The following SNCAIP variants were observed in gnomAD, a reference collection of about 807,000 sequenced individuals.
The protein encoded by SNCAIP is synphilin-1.
A neutral mutation model predicts 86.7 loss-of-function variants in SNCAIP; 43 were observed. The ratio of observed to expected loss-of-function variants is 0.50; its 90% CI spans 0.39 to 0.64. The LOEUF (loss-of-function observed/expected upper bound fraction) is 0.64, where lower values mean the gene tolerates loss of function less well. Among genes scored for constraint, SNCAIP ranks in the 30% least tolerant of loss-of-function variants. The pLI is 0.00. For missense variants in SNCAIP, 981 were observed against 1,103.1 expected (o/e 0.89, Z 1.57); for synonymous variants, 417 against 427.2 (o/e 0.98, Z 0.29).
chr5:122,458,579 T>C (rs554860674), intron 10 of SNCAIP, among the ~76,000 whole-genome samples: 4 of 152,332 alleles, frequency 2.6e-5, no homozygotes, highest in Non-Finnish European at 5.9e-5. Flanking sequence ...ACACAGCCAC[T>C]TTCCAGTGCC....
intron 1 of SNCAIP, among the ~76,000 whole-genome samples, chr5:122,328,666 T>C (rs1455849475): frequency 4.6e-5 from 7 of 152,252 alleles, no homozygotes; most frequent in African/African-American, 1.7e-4. Context: ...CAGTTCTTGC[T>C]CCGTTAACAC....
intron 8 of SNCAIP, among the ~76,000 whole-genome samples, chr5:122,448,333 A>G (rs1427817731): frequency 6.6e-6 from 1 of 151,880 alleles, no homozygotes; most frequent in Non-Finnish European, 1.5e-5. Context: ...CATCAAATTT[A>G]TCTTACAGTT....
intron 10 of SNCAIP, among the ~76,000 whole-genome samples, chr5:122,453,239 AC>A (rs1784076505): frequency 6.6e-6 from 1 of 152,144 alleles, no homozygotes; most frequent in Non-Finnish European, 1.5e-5. Context: ...CAGTTCACAA[AC>A]TTTTGCTGTA....
At chr5:122,411,021 A>C (rs1366447219) in intron 3 of SNCAIP, among the ~76,000 whole-genome samples, 1 of 152,202 alleles carries the variant, frequency 6.6e-6, no homozygotes, top group Non-Finnish European at 1.5e-5. Flanking sequence ...ATTTGAGGGA[A>C]AGAAAACTTA....
intron 1 of SNCAIP, among the ~76,000 whole-genome samples, chr5:122,324,081 G>A (rs1271043466): frequency 6.6e-6 from 1 of 152,072 alleles, no homozygotes; most frequent in Non-Finnish European, 1.5e-5. Context: ...CTCAAAAACA[G>A]GACTAAGAAA....
At chr5:122,443,615 C>T (rs1358328708) in intron 7 of SNCAIP, 4 of 456,932 alleles carry the variant, frequency 8.8e-6, no homozygotes, top group East Asian at 1.4e-4. Flanking sequence ...GTGAGACATG[C>T]CTTTTTACAC....
intron 3 of SNCAIP, among the ~76,000 whole-genome samples, chr5:122,416,474 C>T (rs1775330990): frequency 6.6e-6 from 1 of 152,212 alleles, no homozygotes; most frequent in Non-Finnish European, 1.5e-5. Context: ...AAGGGAGCAT[C>T]CCAGAAACAC....
chr5:122,316,412 G>T (rs149634942), intron 1 of SNCAIP, among the ~76,000 whole-genome samples: 22 of 152,286 alleles, frequency 1.4e-4, no homozygotes, highest in African/African-American at 5.3e-4. Context: ...AAAGTGGGTG[G>T]GTTCACCCTT....
intron 1 of SNCAIP, among the ~76,000 whole-genome samples, chr5:122,354,549 A>G (rs889484754): frequency 1.3e-5 from 2 of 152,180 alleles, no homozygotes; most frequent in African/African-American, 4.8e-5. Context: ...CTGGCCTGGG[A>G]TGTTTATGCA....
At chr5:122,448,574 T>C (rs1782832585) in intron 8 of SNCAIP, among the ~76,000 whole-genome samples, 1 of 129,190 alleles carries the variant, frequency 7.7e-6, no homozygotes, top group Admixed American at 7.9e-5. Flanking sequence ...TATATATCCT[T>C]CCATATTTTA....
intron 1 of SNCAIP, among the ~76,000 whole-genome samples, chr5:122,381,942 T>C (rs1365678939): frequency 1.3e-5 from 2 of 152,168 alleles, no homozygotes; most frequent in Admixed American, 1.3e-4. Flanking sequence ...CCTTTGTAGG[T>C]AAACTGACCT....
chr5:122,358,768 G>A (rs897305551), intron 1 of SNCAIP, among the ~76,000 whole-genome samples: 8 of 152,006 alleles, frequency 5.3e-5, no homozygotes, highest in African/African-American at 1.5e-4. Context: ...ATATCATACC[G>A]GATTGGCAAG....
At chr5:122,432,515 A>T (rs1267935076) in intron 6 of SNCAIP, among the ~76,000 whole-genome samples, 2 of 152,124 alleles carry the variant, frequency 1.3e-5, no homozygotes, top group Non-Finnish European at 2.9e-5. Context: ...CTATTTTTTT[A>T]ATTTTTCAGT....
At chr5:122,430,615 A>G (rs1205179864) in intron 5 of SNCAIP, among the ~76,000 whole-genome samples, 1 of 152,198 alleles carries the variant, frequency 6.6e-6, no homozygotes, top group Non-Finnish European at 1.5e-5. Context: ...CTGGGTTTAT[A>G]TATCATACTG....
Position 122,315,870 on chromosome 5 carries a change from C to A in SNCAIP, c.-47+3586C>A, listed in dbSNP as rs138579864. The stretch of plus-strand genomic sequence containing the variant: ...GGAGGCAGGAAAATTGGAAAGGGGT[C>A]GATCTGGGAGATCCCATATTTAGGA... On this transcript the variant is annotated intron_variant, in intron 1 of 10. Coordinates refer to ENST00000261368, the MANE Select transcript of SNCAIP (RefSeq NM_005460.4). Among the ~76,000 whole-genome samples the A allele has an allele frequency of 4.1e-3, 622 of 152,030 alleles. 3 individuals carry two copies. The highest frequency in any genetic ancestry group is 0.013 in the African/African-American group (538 of 41,454).
In SNCAIP at chr5:122,416,252, G is replaced by A. The variant is rs115667482; in HGVS notation, c.131-6616G>A. On this transcript the variant is annotated intron_variant, in intron 3 of 10. Coordinates refer to ENST00000261368, the MANE Select transcript of SNCAIP (RefSeq NM_005460.4). Reference sequence around the variant, plus strand: ...AAAACATGAATCGGACACATTCAACGACAGCTGCTTGATATCAGTAGCCAC... The same window carrying A: ...AAAACATGAATCGGACACATTCAACAACAGCTGCTTGATATCAGTAGCCAC... Among the ~76,000 whole-genome samples the A allele has an allele frequency of 4.9e-3, 745 of 152,262 alleles. 8 individuals are homozygous for A. The highest frequency in any genetic ancestry group is 0.017 in the African/African-American group (708 of 41,560).
intron 1 of SNCAIP, among the ~76,000 whole-genome samples, chr5:122,390,882 G>T (rs1338471759): frequency 1.3e-5 from 2 of 152,136 alleles, no homozygotes; most frequent in East Asian, 3.8e-4. Flanking sequence ...AGTGCCCACT[G>T]GGGAGCCACA....
chr5:122,351,536 CAAAAAAAAAAAAAAAAAAAA>C (rs541191012), intron 1 of SNCAIP, among the ~76,000 whole-genome samples: 2 of 36,490 alleles, frequency 5.5e-5, no homozygotes, highest in African/African-American at 8.4e-5. Context: ...GACTCTGTAT[CAAAAAAAAAAAAAAAAAAAA>C]AAAAAAAAAA....
chr5:122,363,149 A>G lies in SNCAIP; in HGVS notation c.-46-27940A>G, dbSNP rs564746260. ...GTAGCTGTTTTTACAGGCATGCGCC[A>G]CCATGCCTGGCTAATGTCGTATTTT... On this transcript the variant is annotated intron_variant, in intron 1 of 10. Coordinates refer to ENST00000261368, the MANE Select transcript of SNCAIP (RefSeq NM_005460.4). 5.3e-5 allele frequency among the ~76,000 whole-genome samples: 8 copies of G among 152,092 alleles called. No homozygotes were observed. The East Asian group carries it at 1.5e-3, about 29-fold the overall frequency.
Sources: gnomAD v4.1 joint callset for allele counts (sites outside exome capture counted in the v4.1 genomes callset) on GRCh38, gnomAD v4.1.1 for gene constraint, MANE v1.5 for transcripts, NCBI Gene and HGNC (gene_info 2026-07-23, HGNC 2026-07-21) for gene names.